Variants in SYN3 observed in about 807,000 individuals in gnomAD.
SYN3 encodes synapsin III.
Under a neutral mutation model 65.8 loss-of-function variants are expected in SYN3, and 35 were observed. The observed-to-expected ratio is 0.53, with a 90% CI of 0.41 to 0.70. The LOEUF (loss-of-function observed/expected upper bound fraction) is 0.70, where lower values mean the gene tolerates loss of function less well. Ranked by LOEUF, SYN3 falls within the 30% of genes least tolerant of loss-of-function variation. The pLI, the probability that SYN3 is intolerant of heterozygous loss-of-function variation, is 0.00. For synonymous variants in SYN3, 270 were observed against 292.9 expected (o/e 0.92, Z 0.80); for missense variants, 680 against 749.0 (o/e 0.91, Z 1.08).
At chr22:33,005,957 A>G (rs2053184086) in intron 2 of SYN3, among the ~76,000 whole-genome samples, 1 of 152,178 alleles carries the variant, frequency 6.6e-6, no homozygotes, top group African/African-American at 2.4e-5. Context: ...TCTGAACTAT[A>G]CTCCATATCA....
chr22:32,667,463 A>G lies in SYN3; in HGVS notation c.712-70727T>C, dbSNP rs1294634021. ...GTAGCCTATAGTACTAAAGTTTATT[A>G]AACCAGTCCCTGCTGATCACACAAA... On this transcript the variant is annotated intron_variant, in intron 6 of 13. Coordinates refer to ENST00000358763, the MANE Select transcript of SYN3 (RefSeq NM_003490.4). Among the ~76,000 whole-genome samples the G allele has an allele frequency of 2.0e-5, 3 of 152,282 alleles. No individual in the cohort carries two copies. In the East Asian group the frequency reaches 5.8e-4, roughly 29 times the overall value.
intron 4 of SYN3, among the ~76,000 whole-genome samples, chr22:32,911,168 T>C (rs919328809): frequency 6.6e-6 from 1 of 152,180 alleles, no homozygotes; most frequent in African/African-American, 2.4e-5. Flanking sequence ...CAGTCTGGGG[T>C]CTGGGCATCT....
At chr22:32,796,596 G>A (rs5754290) in intron 6 of SYN3, among the ~76,000 whole-genome samples, 55,371 of 151,894 alleles carry the variant, frequency 0.36, 11,635 homozygotes, top group African/African-American at 0.58. Flanking sequence ...CTGGGCAGCA[G>A]CCCCACTGAG....
chr22:32,745,145 C>T (rs985391056), intron 6 of SYN3, among the ~76,000 whole-genome samples: 1 of 152,190 alleles, frequency 6.6e-6, no homozygotes, highest in African/African-American at 2.4e-5. Flanking sequence ...GGATTTGAAT[C>T]CAGCCAGCAG....
chr22:32,916,792 G>T (rs2050198167), intron 4 of SYN3, among the ~76,000 whole-genome samples: 1 of 152,188 alleles, frequency 6.6e-6, no homozygotes, highest in Non-Finnish European at 1.5e-5. Context: ...CATCACGAAA[G>T]GTTTGAATGT....
At chr22:32,968,268 C>T (rs1382875269) in intron 3 of SYN3, among the ~76,000 whole-genome samples, 2 of 152,170 alleles carry the variant, frequency 1.3e-5, no homozygotes, top group African/African-American at 4.8e-5. Flanking sequence ...ATTCACTTAA[C>T]ACTTATGAAG....
At chr22:32,559,433 T>C (rs370862280) in intron 7 of SYN3, among the ~76,000 whole-genome samples, 31 of 152,178 alleles carry the variant, frequency 2.0e-4, no homozygotes, top group Non-Finnish European at 5.9e-5. Flanking sequence ...CCACCAGAAA[T>C]GTCAGGCGAC....
In SYN3 at chr22:33,011,604, G is replaced by T. The variant is rs540493593; in HGVS notation, c.-162-4780C>A. On this transcript the variant is annotated intron_variant, in intron 1 of 13. Coordinates refer to ENST00000358763, the MANE Select transcript of SYN3 (RefSeq NM_003490.4). ...TTAACCTCACAAAATAGGTTGGGAA[G>T]CATTCCCTCCTTTTCTATTTTCTGA... is the stretch of plus-strand genomic sequence containing the variant. Among the ~76,000 whole-genome samples the T allele has an allele frequency of 2.0e-5, 3 of 152,220 alleles. No homozygotes were observed. In the South Asian group the frequency reaches 6.2e-4, roughly 32 times the overall value.
chr22:32,972,328 G>T (rs1056178651), intron 3 of SYN3, among the ~76,000 whole-genome samples: 1 of 152,210 alleles, frequency 6.6e-6, no homozygotes, highest in Non-Finnish European at 1.5e-5. Flanking sequence ...AGGCAGGTCT[G>T]CATATACTCT....
chr22:32,773,998 A>G (rs896652706), intron 6 of SYN3, among the ~76,000 whole-genome samples: 1 of 152,134 alleles, frequency 6.6e-6, no homozygotes, highest in Non-Finnish European at 1.5e-5. Context: ...CCGGGGAAGC[A>G]GAATGTGTCT....
intron 8 of SYN3, among the ~76,000 whole-genome samples, chr22:32,538,569 T>G (rs954005034): frequency 2.0e-5 from 3 of 152,180 alleles, no homozygotes; most frequent in African/African-American, 7.2e-5. Flanking sequence ...GCCATCCTTC[T>G]CTGTTTCCTT....
At chr22:32,541,534 C>T in intron 8 of SYN3, 37 bp downstream of exon 8, 1 of 1,612,298 alleles carries the variant, frequency 6.2e-7, no homozygotes, top group Non-Finnish European at 8.5e-7. Context: ...GGCTGCCTTC[C>T]TCCCACACTC....
intron 8 of SYN3, among the ~76,000 whole-genome samples, chr22:32,539,734 G>A (rs1056010661): frequency 2.0e-5 from 3 of 152,096 alleles, no homozygotes; most frequent in African/African-American, 7.2e-5. Flanking sequence ...ATGACAAAGT[G>A]GAGCTGTCAG....
At chr22:32,516,822 C>A (rs1271556420) in intron 13 of SYN3, among the ~76,000 whole-genome samples, 1 of 152,082 alleles carries the variant, frequency 6.6e-6, no homozygotes, top group Non-Finnish European at 1.5e-5. Context: ...TCTTTGCTTA[C>A]TCGTCTGTAC....
chr22:32,651,029 C>T (rs944859879), intron 6 of SYN3, among the ~76,000 whole-genome samples: 3 of 152,018 alleles, frequency 2.0e-5, no homozygotes, highest in African/African-American at 7.2e-5. Flanking sequence ...GCCAAGTCCT[C>T]ATGGGTGGGA....
At chr22:32,747,044 C>A (rs2044955238) in intron 6 of SYN3, among the ~76,000 whole-genome samples, 1 of 152,124 alleles carries the variant, frequency 6.6e-6, no homozygotes, top group South Asian at 2.1e-4. Context: ...GGGTGGGGGA[C>A]AAGAAAGGGG....
At chr22:33,004,961 AC>A (rs908706984) in intron 2 of SYN3, among the ~76,000 whole-genome samples, 64 of 152,074 alleles carry the variant, frequency 4.2e-4, no homozygotes, top group African/African-American at 1.5e-3. Context: ...GGGGGTGGTT[AC>A]CCCCACGTTG....
intron 6 of SYN3, among the ~76,000 whole-genome samples, chr22:32,652,606 G>A (rs980962627): frequency 1.3e-5 from 2 of 152,162 alleles, no homozygotes; most frequent in Non-Finnish European, 2.9e-5. Context: ...GGGGGTGGGG[G>A]ACCAGCAGCT....
intron 2 of SYN3, among the ~76,000 whole-genome samples, chr22:32,985,977 A>G (rs956241747): frequency 2.6e-5 from 4 of 151,948 alleles, no homozygotes; most frequent in Non-Finnish European, 5.9e-5. Context: ...ACTTACAACC[A>G]TTCCAGCCCT....
Sources: allele counts gnomAD v4.1 joint callset (sites outside exome capture counted in the v4.1 genomes callset), GRCh38; gene constraint gnomAD v4.1.1; transcripts MANE v1.5; gene names NCBI Gene and HGNC (gene_info 2026-07-23, HGNC 2026-07-21).